The following MLLT1 variants were observed in gnomAD, a reference collection of about 807,000 sequenced individuals.
The protein encoded by MLLT1 is MLLT1 super elongation complex subunit, also known as protein ENL.
A neutral mutation model predicts 55.1 loss-of-function variants in MLLT1; 11 were observed. The ratio of observed to expected loss-of-function variants is 0.20; its 90% confidence interval spans 0.13 to 0.33. The LOEUF is 0.33. Among genes scored for constraint, MLLT1 ranks in the 10% least tolerant of loss-of-function variants. The probability of loss-of-function intolerance (pLI) is 1.00; values close to 1 mark genes in which losing one functional copy is unlikely to be tolerated. For missense variants in MLLT1, 536 were observed against 760.6 expected (o/e 0.70, Z 3.47); for synonymous variants, 323 against 320.1 (o/e 1.01, Z -0.10).
intron 3 of MLLT1, among the ~76,000 whole-genome samples, chr19:6,252,118 A>G (rs1289246065): frequency 6.6e-6 from 1 of 152,194 alleles, no homozygotes; most frequent in Non-Finnish European, 1.5e-5. Flanking sequence ...TGCAGATGGG[A>G]CAAAAAACAG....
At position 6,262,457 on chromosome 19, in the gene MLLT1, C is replaced by T. The variant is rs2091313778; in HGVS notation, c.194-147G>A. The T allele has an allele frequency of 1.6e-6, 1 of 617,048 alleles. No homozygotes were observed. Among genetic ancestry groups the T allele is most frequent in the South Asian group, 1.9e-5 (1 of 51,416 alleles). 38.2% of individuals were successfully genotyped at this position (617,048 alleles called of 1,614,324 possible). ...GGGGTGGCTTTTCAGGAGGTTAAGC[C>T]CCCGACAGGATTGACTTCCACGGCA... On this transcript the variant is annotated intron_variant, in intron 2 of 11. Transcript: ENST00000252674. The surrounding 1 kb of genome is among the most constrained non-coding windows in gnomAD (Gnocchi z 4.4).
intron 1 of MLLT1, among the ~76,000 whole-genome samples, chr19:6,274,891 A>C (rs1334071241): frequency 1.3e-5 from 2 of 152,204 alleles, no homozygotes; most frequent in Non-Finnish European, 2.9e-5. Flanking sequence ...CCCTCTCTCC[A>C]GGCCAGCTGG....
chr19:6,240,872 A>G lies in MLLT1; in HGVS notation c.277-10159T>C, dbSNP rs1600193553. ...AACCAAAAGGAGGAGGCAGAAATGC[A>G]GACACCACATTTTAAAATGCTCTCC... On this transcript the variant is annotated intron_variant, in intron 3 of 11. Coordinates refer to ENST00000252674, the MANE Select transcript of MLLT1 (RefSeq NM_005934.4). The surrounding 1 kb of genome is among the most constrained non-coding windows in gnomAD (Gnocchi z 4.7). Among the ~76,000 whole-genome samples, 1 of 152,220 alleles carries G rather than the reference A, an allele frequency of 6.6e-6. No individual in the cohort carries two copies. The highest frequency in any genetic ancestry group is 6.5e-5 in the Admixed American group (1 of 15,286).
Position 6,229,746 on chromosome 19 carries a change from C to G in MLLT1, c.420+824G>C, listed in dbSNP as rs960247799. The stretch of plus-strand genomic sequence containing the variant: ...CATGCCACACATGCCACACACTGTA[C>G]ATGCCACACCCCACACATACACACG... On this transcript the variant is annotated intron_variant, in intron 4 of 11. Coordinates refer to ENST00000252674, the MANE Select transcript of MLLT1 (RefSeq NM_005934.4). This position sits in a 1 kb window ranked among gnomAD's most constrained non-coding sequence, Gnocchi z 5.2. Among the ~76,000 whole-genome samples the G allele has an allele frequency of 6.6e-6, 1 of 151,624 alleles. No homozygotes were observed. The highest frequency in any genetic ancestry group is 1.5e-5 in the Non-Finnish European group (1 of 67,880).
chr19:6,213,672 T>TGGG, intron 10 of MLLT1, 54 bp downstream of exon 10: 1 of 1,075,346 alleles, frequency 9.3e-7, no homozygotes, highest in Non-Finnish European at 1.4e-6. Flanking sequence ...TGGCTGCAAC[T>TGGG]CCCACCACCC....
intron 5 of MLLT1, among the ~76,000 whole-genome samples, chr19:6,224,020 G>A (rs1186493036): frequency 2.0e-5 from 3 of 152,186 alleles, no homozygotes; most frequent in Admixed American, 6.5e-5. Flanking sequence ...GAGGAGGGGG[G>A]CCACGCTTCA....
At chr19:6,215,998 C>T (rs1160798480) in intron 8 of MLLT1, among the ~76,000 whole-genome samples, 1 of 152,172 alleles carries the variant, frequency 6.6e-6, no homozygotes, top group Non-Finnish European at 1.5e-5. Context: ...CTCCATGGAT[C>T]CTCGCCCCAT....
intron 3 of MLLT1, among the ~76,000 whole-genome samples, chr19:6,236,286 C>T (rs550479757): frequency 1.0e-3 from 152 of 152,318 alleles, no homozygotes; most frequent in African/African-American, 3.5e-3. Context: ...TTTCTAAGCA[C>T]TCAGCGGATA....
chr19:6,264,911 AAAT>A, intron 2 of MLLT1, among the ~76,000 whole-genome samples: 1 of 150,438 alleles, frequency 6.6e-6, no homozygotes, highest in East Asian at 1.9e-4. Context: ...AAAAAAAAAA[AAAT>A]GAGGATCCCA....
chr19:6,213,781 C>G lies in MLLT1; in HGVS notation c.1424G>C (p.Ser475Thr). 1 of 1,611,882 alleles carries G rather than the reference C, an allele frequency of 6.2e-7. No homozygotes were observed. The highest frequency in any genetic ancestry group is 1.3e-5 in the African/African-American group (1 of 74,594). Residue 475 changes from serine to threonine, a missense_variant, in exon 10 of 12, where the codon AGC (serine) becomes ACC (threonine). Physicochemically the swap from Ser to Thr is moderately conservative, Grantham distance 58 (BLOSUM62 1). Coordinates refer to ENST00000252674, the MANE Select transcript of MLLT1 (RefSeq NM_005934.4). ...CTCAGGCTTGCTGCAGGACTCGGGGCTCCTCCGGCCTGACACCTGCAGGGA... is the reference window on the plus strand; with the variant it reads ...CTCAGGCTTGCTGCAGGACTCGGGGGTCCTCCGGCCTGACACCTGCAGGGA... Reference protein sequence around the residue: ...PPNSKVSGRRSPESCSKPEKI... With the variant: ...PPNSKVSGRRTPESCSKPEKI...
At position 6,226,667 on chromosome 19, in the gene MLLT1, C is replaced by T. The variant is rs572989898; in HGVS notation, c.546+310G>A. 1.3e-5 allele frequency among the ~76,000 whole-genome samples: 2 copies of T among 152,244 alleles called. No individual in the cohort carries two copies. Among genetic ancestry groups the T allele is most frequent in the South Asian group, 2.1e-4 (1 of 4,830 alleles). Reference sequence around the variant, plus strand: ...CAGCGGCCGCCCCAACAGCCTTCGGCGAAGGTCTCAGGGCTTCAGGCCGAG... The same window carrying T: ...CAGCGGCCGCCCCAACAGCCTTCGGTGAAGGTCTCAGGGCTTCAGGCCGAG... On this transcript the variant is annotated intron_variant, in intron 5 of 11. Transcript: ENST00000252674. The surrounding 1 kb of genome is among the most constrained non-coding windows in gnomAD (Gnocchi z 6.3).
intron 1 of MLLT1, among the ~76,000 whole-genome samples, chr19:6,278,395 A>C (rs1395716308): frequency 1.3e-5 from 2 of 151,554 alleles, no homozygotes; most frequent in Non-Finnish European, 2.9e-5. Flanking sequence ...ACCAACACAG[A>C]CCAATGGGGA....
chr19:6,213,976 G>A lies in MLLT1; in HGVS notation c.1370C>T (p.Pro457Leu). 1 of 1,463,662 alleles carries A rather than the reference G, an allele frequency of 6.8e-7. No individual in the cohort carries two copies. The highest frequency in any genetic ancestry group is 9.0e-7 in the Non-Finnish European group (1 of 1,109,074). The allele number at this position is 1,463,662 out of a possible 1,614,324, so 90.7% of individuals were successfully genotyped here. ...CGGGGGTGGCTTCTGGGGGGGTGGG[G>A]GCTCACGGCTGGGCAGGGAGGAGTC... ...SADSSLPSRE[P>L]PPPQKPPPPN... The change falls in exon 9 of 12, where the codon CCC becomes CTC. Residue 457 changes from proline to leucine, a missense_variant. Pro to Leu is a moderately conservative substitution (Grantham distance 98). Transcript: ENST00000252674.
rs74612815 is a variant in MLLT1 at position 6,227,227 on chromosome 19, G to A, written c.421-125C>T. The A allele has an allele frequency of 0.012, 12,029 of 1,006,166 alleles. 595 individuals are homozygous for A. In the East Asian group the frequency reaches 0.15, roughly 13 times the overall value. 62.3% of individuals were successfully genotyped at this position (1,006,166 alleles called of 1,614,324 possible). A position where few individuals can be genotyped will look rare whatever the true frequency, so the allele number is the denominator to read the frequency against. ...GAAGGGAGAGCCTGAGCGCTTTCCC[G>A]AAAGAATCCCAGGTGCTTCCCTGCT... On this transcript the variant is annotated intron_variant, in intron 4 of 11. Coordinates refer to ENST00000252674, the MANE Select transcript of MLLT1 (RefSeq NM_005934.4). This position sits in a 1 kb window ranked among gnomAD's most constrained non-coding sequence, Gnocchi z 5.1.
In MLLT1 at chr19:6,214,061, A is replaced by G. The variant is rs1379308123; in HGVS notation, c.1308-23T>C. On this transcript the variant is annotated intron_variant, in intron 8 of 11. Transcript: ENST00000252674. The stretch of plus-strand genomic sequence containing the variant: ...AACCTGAACCGACACACGGGGGCGC[A>G]TCAGGCCCCTGCCGCCACCACGGCC... The G allele has an allele frequency of 2.2e-6, 3 of 1,375,934 alleles. No individual in the cohort carries two copies. In the Admixed American group the frequency reaches 9.7e-5, roughly 45 times the overall value. The allele number at this position is 1,375,934 out of a possible 1,614,324, so 85.2% of individuals were successfully genotyped here. A position where few individuals can be genotyped will look rare whatever the true frequency, so the allele number is the denominator to read the frequency against.
intron 3 of MLLT1, among the ~76,000 whole-genome samples, chr19:6,244,798 AAG>A (rs1739823596): frequency 6.6e-6 from 1 of 152,154 alleles, no homozygotes; most frequent in Non-Finnish European, 1.5e-5. Context: ...TACTTTACCA[AAG>A]AGAATATATG....
At chr19:6,223,989 G>A (rs575001935) in intron 5 of MLLT1, among the ~76,000 whole-genome samples, 18 of 152,298 alleles carry the variant, frequency 1.2e-4, no homozygotes, top group Admixed American at 9.2e-4. Flanking sequence ...GAGGGGCTCC[G>A]GGAGCAGTGA....
Position 6,235,549 on chromosome 19 carries a change from G to C in MLLT1, c.277-4836C>G, listed in dbSNP as rs1429216159. 6.6e-6 allele frequency among the ~76,000 whole-genome samples: 1 copy of C among 152,156 alleles called. No individual in the cohort carries two copies. The highest frequency in any genetic ancestry group is 1.5e-5 in the Non-Finnish European group (1 of 67,994). Reference sequence around the variant, plus strand: ...GGGACGCTCCCTAGCTCTGCCCACTGCCTGGCACAGGGCACCCTGGGGCTC... The same window carrying C: ...GGGACGCTCCCTAGCTCTGCCCACTCCCTGGCACAGGGCACCCTGGGGCTC... On this transcript the variant is annotated intron_variant, in intron 3 of 11. Coordinates refer to ENST00000252674, the MANE Select transcript of MLLT1 (RefSeq NM_005934.4). The surrounding 1 kb of genome is among the most constrained non-coding windows in gnomAD (Gnocchi z 5.5).
In MLLT1 at chr19:6,226,856, A is replaced by G. The variant is rs2090961318; in HGVS notation, c.546+121T>C. 5.7e-6 allele frequency: 4 copies of G among 702,606 alleles called. No individual in the cohort carries two copies. Among genetic ancestry groups the G allele is most frequent in the Non-Finnish European group, 8.7e-6 (4 of 461,468 alleles). The allele number at this position is 702,606 out of a possible 1,614,324, so 43.5% of individuals were successfully genotyped here. ...GGGTGTGCAGAGAGCTCAAAGAGGA[A>G]GACGCCAAGGGAGCGAGCAGGTGCG... On this transcript the variant is annotated intron_variant, in intron 5 of 11. Coordinates refer to ENST00000252674, the MANE Select transcript of MLLT1 (RefSeq NM_005934.4). The surrounding 1 kb of genome is among the most constrained non-coding windows in gnomAD (Gnocchi z 6.3).
Sources: gnomAD v4.1 joint callset for allele counts (sites outside exome capture counted in the v4.1 genomes callset) on GRCh38, gnomAD v4.1.1 for gene constraint, Gnocchi (gnomAD v3.1) non-coding constraint, MANE v1.5 for transcripts, NCBI Gene and HGNC (gene_info 2026-07-23, HGNC 2026-07-21) for gene names.